The following PSMA2 variants were observed in gnomAD, a reference collection of about 807,000 sequenced individuals.
The protein encoded by PSMA2 is proteasome 20S subunit alpha 2, also known as proteasome subunit alpha type-2.
PSMA2 carries 2 observed loss-of-function variants against 35.9 expected under a neutral mutation model. That is an observed-to-expected ratio of 0.06 (90% CI 0.02 to 0.18). PSMA2 has a LOEUF of 0.18. Ranked by LOEUF, PSMA2 falls within the 10% of genes least tolerant of loss-of-function variation. PSMA2 has a pLI of 1.00. For missense variants in PSMA2, 126 were observed against 278.8 expected, an observed-to-expected ratio of 0.45 and a Z score of 3.90; for synonymous variants, 97 against 98.2, an observed-to-expected ratio of 0.99 and a Z score of 0.07.
At chr7:42,928,806 A>T (rs575547316) in intron 1 of PSMA2, among the ~76,000 whole-genome samples, 1 of 152,222 alleles carries the variant, frequency 6.6e-6, no homozygotes, top group African/African-American at 2.4e-5. Flanking sequence ...CCTCATTGAC[A>T]AGCTAATCCC....
At chr7:42,926,743 C>T (rs771666748) in intron 2 of PSMA2, 75 bp from the exon 3 acceptor site, 394 of 1,416,088 alleles carry the variant, frequency 2.8e-4, no homozygotes, top group South Asian at 3.9e-4. Flanking sequence ...ATTATGGATG[C>T]GCTAAACGCA....
At chr7:42,924,341 G>A (rs1256517741) in intron 4 of PSMA2, among the ~76,000 whole-genome samples, 1 of 120,740 alleles carries the variant, frequency 8.3e-6, no homozygotes, top group Non-Finnish European at 1.6e-5. Context: ...GCGACAGAGT[G>A]AGACTCTGAC....
chr7:42,917,326 T>C lies in PSMA2; in HGVS notation c.*248A>G. On this transcript the variant is annotated 3_prime_UTR_variant, in exon 8 of 8. Transcript: ENST00000223321. Reference sequence around the variant, plus strand: ...CGAAAAAGTCATTTCATCATTCTGCTTGGCAATGTAGTCTTCAGAAATCAA... The same window carrying C: ...CGAAAAAGTCATTTCATCATTCTGCCTGGCAATGTAGTCTTCAGAAATCAA... The C allele has an allele frequency of 3.1e-6, 1 of 327,472 alleles. No individual in the cohort carries two copies. The highest frequency in any genetic ancestry group is 5.6e-6 in the Non-Finnish European group (1 of 178,592). 20.3% of individuals were successfully genotyped at this position (327,472 alleles called of 1,614,324 possible). A position where few individuals can be genotyped will look rare whatever the true frequency, so the allele number is the denominator to read the frequency against.
chr7:42,925,640 A>G (rs1458801288), intron 3 of PSMA2, among the ~76,000 whole-genome samples: 6 of 152,268 alleles, frequency 3.9e-5, no homozygotes, highest in Non-Finnish European at 8.8e-5. Context: ...AAGATATTAT[A>G]TAACAATCAA....
At chr7:42,926,034 AAG>A in intron 3 of PSMA2, among the ~76,000 whole-genome samples, 1 of 152,336 alleles carries the variant, frequency 6.6e-6, no homozygotes, top group Admixed American at 6.5e-5. Context: ...GTGATTACAC[AAG>A]CATTGGGATC....
chr7:42,927,127 AAAG>A (rs948097530), intron 2 of PSMA2, among the ~76,000 whole-genome samples: 1 of 41,364 alleles, frequency 2.4e-5, no homozygotes, highest in African/African-American at 6.9e-5. Context: ...AAAAACAAAA[AAAG>A]AACTCAGTTT....
In PSMA2 at chr7:42,922,414, G is replaced by GA. The variant is rs999726663; in HGVS notation, c.457-484dup. The stretch of plus-strand genomic sequence containing the variant: ...GAATTAAAAAGAGAGCATCTCATTA[G>GA]AAAAAAATACCAAAAGAAACATAAT... On this transcript the variant is annotated intron_variant, in intron 5 of 7. Transcript: ENST00000223321. 9.3e-5 allele frequency among the ~76,000 whole-genome samples: 14 copies of GA among 150,934 alleles called. 1 individual carries two copies. Among genetic ancestry groups the GA allele is most frequent in the Non-Finnish European group, 1.9e-4 (13 of 67,934 alleles).
chr7:42,921,946 AAG>A lies in PSMA2; in HGVS notation c.457-17_457-16del. On this transcript the variant is annotated splice_polypyrimidine_tract_variant and intron_variant, in intron 5 of 7. Coordinates refer to ENST00000223321, the MANE Select transcript of PSMA2 (RefSeq NM_002787.5). The stretch of plus-strand genomic sequence containing the variant: ...AAGTAAGCTCCCTAATCAGGAAAGA[AAG>A]AGTAAAAAACCATATTTTAAAACAC... 6.3e-7 allele frequency: 1 copy of A among 1,598,920 alleles called. No individual in the cohort carries two copies. Among genetic ancestry groups the A allele is most frequent in the Non-Finnish European group, 8.6e-7 (1 of 1,168,900 alleles).
chr7:42,928,693 C>T (rs947531307), intron 1 of PSMA2, among the ~76,000 whole-genome samples: 2 of 152,128 alleles, frequency 1.3e-5, no homozygotes, highest in African/African-American at 4.8e-5. Flanking sequence ...TTCAGAAGGC[C>T]GTATTTTCTC....
In PSMA2 at chr7:42,932,167, G is replaced by A; in HGVS notation, c.-9C>T. 2 of 1,614,104 alleles carry A rather than the reference G, an allele frequency of 1.2e-6. No individual in the cohort carries two copies. Among genetic ancestry groups the A allele is most frequent in the Non-Finnish European group, 1.7e-6 (2 of 1,180,032 alleles). On this transcript the variant is annotated 5_prime_UTR_variant, in exon 1 of 8. Coordinates refer to ENST00000223321, the MANE Select transcript of PSMA2 (RefSeq NM_002787.5). ...TACCCGCGCTCCGCCATCTTTACCC[G>A]AAGAGCCAAAGCACAGCCGCACACA...
At chr7:42,927,506 T>A in intron 1 of PSMA2, 47 bp from the exon 2 acceptor site, 4 of 1,540,458 alleles carry the variant, frequency 2.6e-6, no homozygotes, top group Non-Finnish European at 3.6e-6. Context: ...CATCAAATAT[T>A]TATTGTAAGA....
chr7:42,928,017 G>GA (rs1458738354), intron 1 of PSMA2, among the ~76,000 whole-genome samples: 12 of 152,198 alleles, frequency 7.9e-5, no homozygotes, highest in African/African-American at 2.9e-4. Context: ...CTGCCACATG[G>GA]AGCAGTGGTA....
intron 1 of PSMA2, chr7:42,931,144 A>G: frequency 2.2e-6 from 1 of 454,902 alleles, no homozygotes; most frequent in African/African-American, 2.0e-5. Context: ...CGGTTAGTTC[A>G]TCTGTAAGAA....
At chr7:42,920,491 T>C (rs925598872) in intron 6 of PSMA2, 6 of 152,490 alleles carry the variant, frequency 3.9e-5, no homozygotes, top group Admixed American at 3.3e-4. Flanking sequence ...GCTTTGGTTG[T>C]AAAGAGGGAA....
At chr7:42,921,013 G>A (rs1786121051) in intron 6 of PSMA2, 1 of 152,112 alleles carries the variant, frequency 6.6e-6, no homozygotes, top group African/African-American at 2.4e-5. Context: ...GAGAAGGGAA[G>A]AAGAACTGAA....
intron 1 of PSMA2, among the ~76,000 whole-genome samples, chr7:42,927,692 G>C (rs1383651244): frequency 6.6e-6 from 1 of 152,178 alleles, no homozygotes; most frequent in African/African-American, 2.4e-5. Flanking sequence ...GATCACCTGA[G>C]GTCAGGAGTT....
At chr7:42,931,149 T>G (rs1380405667) in intron 1 of PSMA2, 3 of 455,080 alleles carry the variant, frequency 6.6e-6, no homozygotes. Flanking sequence ...AGTTCATCTG[T>G]AAGAAGCTGA....
chr7:42,923,087 G>A (rs966551833), intron 5 of PSMA2, among the ~76,000 whole-genome samples: 1 of 152,146 alleles, frequency 6.6e-6, no homozygotes, highest in Non-Finnish European at 1.5e-5. Context: ...AATCACCCAA[G>A]TGTATGAAGT....
intron 1 of PSMA2, among the ~76,000 whole-genome samples, chr7:42,930,162 A>T (rs987224777): frequency 6.6e-6 from 1 of 152,072 alleles, no homozygotes; most frequent in Admixed American, 6.6e-5. Flanking sequence ...GGCTAGAAAC[A>T]AATATTTTCT....
Sources: allele counts gnomAD v4.1 joint callset (sites outside exome capture counted in the v4.1 genomes callset), GRCh38; gene constraint gnomAD v4.1.1; transcripts MANE v1.5; gene names NCBI Gene and HGNC (gene_info 2026-07-23, HGNC 2026-07-21).